Variants in EZH1 observed in about 807,000 individuals in gnomAD.
EZH1 encodes histone-lysine N-methyltransferase EZH1.
EZH1 carries 33 observed loss-of-function variants against 100.5 expected under a neutral mutation model. The ratio of observed to expected loss-of-function variants is 0.33; its 90% CI spans 0.25 to 0.44. The LOEUF (loss-of-function observed/expected upper bound fraction) is 0.44, where lower values mean the gene tolerates loss of function less well. Ranked by LOEUF, EZH1 falls within the 20% of genes least tolerant of loss-of-function variation. The pLI, the probability that EZH1 is intolerant of heterozygous loss-of-function variation, is 1.00. For synonymous variants in EZH1, 272 were observed against 313.8 expected (o/e 0.87, Z 1.41); for missense variants, 475 against 928.4 (o/e 0.51, Z 6.35).
At chr17:42,722,496 A>G (rs2053730096) in intron 6 of EZH1, among the ~76,000 whole-genome samples, 1 of 150,130 alleles carries the variant, frequency 6.7e-6, no homozygotes, top group East Asian at 2.0e-4. Context: ...ATGGTGGCAG[A>G]CACCTGTAGT....
chr17:42,715,864 CAG>C (rs1400261064), intron 10 of EZH1, among the ~76,000 whole-genome samples: 1 of 151,994 alleles, frequency 6.6e-6, no homozygotes, highest in Non-Finnish European at 1.5e-5. Context: ...CTGACCAACA[CAG>C]AGAAACCCTG....
At chr17:42,729,578 A>C (rs2053897289) in intron 2 of EZH1, among the ~76,000 whole-genome samples, 2 of 150,770 alleles carry the variant, frequency 1.3e-5, no homozygotes, top group African/African-American at 4.9e-5. Flanking sequence ...AAAATACAAA[A>C]AAAAAAAAAA....
Position 42,713,421 on chromosome 17 carries a change from G to C in EZH1, c.1024-32C>G. 4 of 1,564,514 alleles carry C rather than the reference G, an allele frequency of 2.6e-6. No individual in the cohort carries two copies. The South Asian group carries it at 4.7e-5, about 18-fold the overall frequency. ...TGGACACATTACAGACAGGAAATAG[G>C]AACAGGCCCATCACCATATTGATCT... On this transcript the variant is annotated intron_variant, in intron 10 of 20. Transcript: ENST00000428826.
chr17:42,735,635 T>TA (rs1419392667), intron 1 of EZH1, among the ~76,000 whole-genome samples: 1 of 152,064 alleles, frequency 6.6e-6, no homozygotes, highest in East Asian at 1.9e-4. Flanking sequence ...ATCAAGAAAT[T>TA]AAAAAATATT....
At position 42,717,547 on chromosome 17, in the gene EZH1, C is replaced by G. The variant is rs532226570; in HGVS notation, c.1023+429G>C. On this transcript the variant is annotated intron_variant, in intron 10 of 20. Coordinates refer to ENST00000428826, the MANE Select transcript of EZH1 (RefSeq NM_001991.5). ...GACCATTTATGCTGCTTCTTAAGGT[C>G]TGTCCATCAGGGAACGGTCCATCTG... 5.3e-5 allele frequency among the ~76,000 whole-genome samples: 8 copies of G among 152,292 alleles called. No homozygotes were observed. In the East Asian group the frequency reaches 1.3e-3, roughly 26 times the overall value.
chr17:42,722,812 T>C lies in EZH1; in HGVS notation c.470A>G (p.Lys157Arg). ...IEELINNYDGKVHGEEEMIPG... is the reference protein window; with the variant it reads ...IEELINNYDGRVHGEEEMIPG... Reference sequence around the variant, plus strand: ...ACCACTACCTTCTTCACCATGGACTTTCCCATCATAGTTATTGATCAGCTC... The same window carrying C: ...ACCACTACCTTCTTCACCATGGACTCTCCCATCATAGTTATTGATCAGCTC... The change falls in exon 6 of 21, where the codon AAA becomes AGA. Residue 157 changes from lysine to arginine, a missense_variant. Around this residue, in one of 8 missense-constraint regions of EZH1, gnomAD observed 17 missense variants for 68.0 expected, o/e 0.25. Transcript: ENST00000428826. 2 of 1,613,904 alleles carry C rather than the reference T, an allele frequency of 1.2e-6. No individual in the cohort carries two copies. The highest frequency in any genetic ancestry group is 8.5e-7 in the Non-Finnish European group (1 of 1,179,964).
At chr17:42,738,678 C>T (rs999081374) in intron 1 of EZH1, among the ~76,000 whole-genome samples, 5 of 151,206 alleles carry the variant, frequency 3.3e-5, no homozygotes, top group Non-Finnish European at 5.9e-5. Context: ...TCTGGAACTC[C>T]TAACCTCAGG....
At chr17:42,717,089 CTT>C (rs1349169588) in intron 10 of EZH1, among the ~76,000 whole-genome samples, 1 of 152,166 alleles carries the variant, frequency 6.6e-6, no homozygotes, top group Non-Finnish European at 1.5e-5. Flanking sequence ...TATCAACAAA[CTT>C]TAGGCAAAAT....
chr17:42,705,576 G>A, intron 16 of EZH1: 1 of 186,298 alleles, frequency 5.4e-6, no homozygotes, highest in Non-Finnish European at 1.1e-5. Context: ...CTGGAGTGCA[G>A]TGGTGCGATC....
intron 15 of EZH1, among the ~76,000 whole-genome samples, 166 bp downstream of exon 15, chr17:42,707,792 G>A (rs1358558929): frequency 6.6e-6 from 1 of 152,100 alleles, no homozygotes; most frequent in Non-Finnish European, 1.5e-5. Flanking sequence ...TTCCAGAAAC[G>A]ACTCTCCCAG....
chr17:42,709,015 A>G, intron 13 of EZH1, 99 bp from the exon 14 acceptor site: 2 of 1,360,574 alleles, frequency 1.5e-6, no homozygotes, highest in Admixed American at 1.8e-5. Flanking sequence ...ACTGTGTTTG[A>G]TGACTGGGGA....
At chr17:42,714,401 CA>C in intron 10 of EZH1, 1 of 338,360 alleles carries the variant, frequency 3.0e-6, no homozygotes, top group Non-Finnish European at 5.9e-6. Context: ...ACCTTTATAC[CA>C]AGAGGGTTGG....
chr17:42,729,115 T>C (rs990824858), intron 2 of EZH1, 163 bp from the exon 3 acceptor site: 1 of 671,520 alleles, frequency 1.5e-6, no homozygotes, highest in Non-Finnish European at 2.3e-6. Flanking sequence ...ACAGAAAGTT[T>C]CAATTTAAAA....
intron 5 of EZH1, among the ~76,000 whole-genome samples, chr17:42,723,651 C>T (rs970277337): frequency 6.6e-6 from 1 of 152,080 alleles, no homozygotes; most frequent in Admixed American, 6.6e-5. Flanking sequence ...GTGGGGTGCT[C>T]AGCAGAGAAT....
intron 4 of EZH1, 186 bp from the exon 5 acceptor site, chr17:42,724,610 C>A: frequency 2.0e-6 from 1 of 507,842 alleles, no homozygotes; most frequent in Non-Finnish European, 3.5e-6. Context: ...GGTGAAACCC[C>A]ATCTCTACAA....
At chr17:42,724,577 T>C (rs549902914) in intron 4 of EZH1, 153 bp from the exon 5 acceptor site, 32 of 751,284 alleles carry the variant, frequency 4.3e-5, no homozygotes, top group East Asian at 9.5e-5. Flanking sequence ...TTGAAGTCAG[T>C]TGGAGACCAG....
chr17:42,737,587 CAG>C (rs1255458606), intron 1 of EZH1, among the ~76,000 whole-genome samples: 3 of 152,190 alleles, frequency 2.0e-5, no homozygotes, highest in Non-Finnish European at 4.4e-5. Context: ...GCCTGGGTGA[CAG>C]AGTGAGACCC....
chr17:42,726,183 CTTTTTT>C, intron 4 of EZH1, among the ~76,000 whole-genome samples: 1 of 96,830 alleles, frequency 1.0e-5, no homozygotes, highest in Admixed American at 1.2e-4. Flanking sequence ...CCAGCTTCTG[CTTTTTT>C]TTTTTTTTTT....
chr17:42,708,185 C>G (rs908515941), intron 14 of EZH1, 102 bp from the exon 15 acceptor site: 1 of 1,409,100 alleles, frequency 7.1e-7, no homozygotes, highest in Non-Finnish European at 9.5e-7. Context: ...CTGGTCCTAA[C>G]AATCTCCTTG....
Sources: gnomAD v4.1 joint callset for allele counts (sites outside exome capture counted in the v4.1 genomes callset) on GRCh38, gnomAD v4.1.1 for gene constraint, gnomAD v4.1.1 regional missense constraint, MANE v1.5 for transcripts, NCBI Gene and HGNC (gene_info 2026-07-23, HGNC 2026-07-21) for gene names.